Variants in PIEZO2 observed in about 807,000 individuals in gnomAD.
PIEZO2 encodes piezo-type mechanosensitive ion channel component 2.
In PIEZO2, 172 loss-of-function variants were observed where a neutral mutation model predicts 337.3. The observed-to-expected ratio is 0.51, with a 90% CI of 0.45 to 0.58. The LOEUF (loss-of-function observed/expected upper bound fraction) is 0.58, where lower values mean the gene tolerates loss of function less well. Among genes scored for constraint, PIEZO2 ranks in the 20% least tolerant of loss-of-function variants. The pLI, the probability that PIEZO2 is intolerant of heterozygous loss-of-function variation, is 0.00. For missense variants in PIEZO2, 3,028 were observed against 3,391.3 expected (o/e 0.89, Z 2.66); for synonymous variants, 1,251 against 1,228.5 (o/e 1.02, Z -0.38).
In PIEZO2 at chr18:11,148,590, G is replaced by T; in HGVS notation, c.-2C>A. 1 of 1,537,078 alleles carries T rather than the reference G, an allele frequency of 6.5e-7. No homozygotes were observed. Among genetic ancestry groups the T allele is most frequent in the Non-Finnish European group, 8.7e-7 (1 of 1,146,862 alleles). ...CCCGCACACCACTTCTGAGGCCATC[G>T]CGTCGGTCCGGCGAGTCGGAGCAGA... On this transcript the variant is annotated 5_prime_UTR_variant, in exon 1 of 56. Transcript: ENST00000674853. This position sits in a 1 kb window ranked among gnomAD's most constrained non-coding sequence, Gnocchi z 5.2.
Position 11,136,445 on chromosome 18 carries a change from A to T in PIEZO2, c.64+12080T>A, listed in dbSNP as rs570533375. 3.3e-5 allele frequency among the ~76,000 whole-genome samples: 5 copies of T among 152,288 alleles called. No homozygotes were observed. The South Asian group carries it at 1.0e-3, about 32-fold the overall frequency. On this transcript the variant is annotated intron_variant, in intron 1 of 55. Transcript: ENST00000674853. The stretch of plus-strand genomic sequence containing the variant: ...CTTTCATCTTCTCTTGTGACTGAGG[A>T]TGGATTGCCAGAGGCTGTGTGCTAT...
intron 1 of PIEZO2, among the ~76,000 whole-genome samples, chr18:11,073,042 T>G (rs1490666966): frequency 1.3e-5 from 2 of 152,254 alleles, no homozygotes; most frequent in East Asian, 3.8e-4. Flanking sequence ...TTTATATTAT[T>G]TGCAATCAAA....
chr18:10,851,144 T>C (rs542878763), intron 7 of PIEZO2, among the ~76,000 whole-genome samples: 1 of 143,872 alleles, frequency 7.0e-6, no homozygotes, highest in African/African-American at 2.7e-5. Flanking sequence ...TCTTTTCTTT[T>C]TTTCTTTTAT....
chr18:10,790,665 T>C (rs1406123748), intron 14 of PIEZO2, among the ~76,000 whole-genome samples: 1 of 152,124 alleles, frequency 6.6e-6, no homozygotes, highest in Non-Finnish European at 1.5e-5. Flanking sequence ...GCCTCAGTTT[T>C]TCTTTCATTG....
rs545481711 is a variant in PIEZO2, at chr18:10,712,095, A to G, written c.5423+2669T>C. Reference sequence around the variant, plus strand: ...TTTGAAAAAGGGTTGTTTGATCATGAATAGTTCCTACAGCGGGTAGATTTA... The same window carrying G: ...TTTGAAAAAGGGTTGTTTGATCATGGATAGTTCCTACAGCGGGTAGATTTA... On this transcript the variant is annotated intron_variant, in intron 39 of 55. Transcript: ENST00000674853. Among the ~76,000 whole-genome samples the G allele has an allele frequency of 9.2e-5, 14 of 152,378 alleles. No homozygotes were observed. The South Asian group carries it at 1.2e-3, about 14-fold the overall frequency.
At chr18:10,832,584 T>C (rs1052411392) in intron 7 of PIEZO2, among the ~76,000 whole-genome samples, 13 of 152,186 alleles carry the variant, frequency 8.5e-5, no homozygotes, top group African/African-American at 2.9e-4. Flanking sequence ...GGAGGGGTAC[T>C]TTGTCTACTT....
At position 10,672,201 on chromosome 18, in the gene PIEZO2, A is replaced by G. The variant is rs940722449; in HGVS notation, c.8346-422T>C. Among the ~76,000 whole-genome samples the G allele has an allele frequency of 5.3e-5, 8 of 152,308 alleles. No individual in the cohort carries two copies. The highest frequency in any genetic ancestry group is 1.4e-4 in the African/African-American group (6 of 41,552). ...TGTCTCTCAGATTAATTTTTATAAA[A>G]TTCTGGGTGAAAATCATTTCTTATG... is the stretch of plus-strand genomic sequence containing the variant. On this transcript the variant is annotated intron_variant, in intron 55 of 55. Coordinates refer to ENST00000674853, the MANE Select transcript of PIEZO2 (RefSeq NM_001378183.1). This position sits in a 1 kb window ranked among gnomAD's most constrained non-coding sequence, Gnocchi z 4.7.
intron 2 of PIEZO2, among the ~76,000 whole-genome samples, chr18:11,030,676 C>T (rs1389271977): frequency 6.6e-6 from 1 of 152,158 alleles, no homozygotes; most frequent in Non-Finnish European, 1.5e-5. Context: ...ACAAGGACCC[C>T]AGGCCTCCAT....
intron 49 of PIEZO2, among the ~76,000 whole-genome samples, chr18:10,687,467 G>A (rs1315597963): frequency 6.8e-6 from 1 of 147,770 alleles, no homozygotes; most frequent in Non-Finnish European, 1.5e-5. Context: ...ATGCTTAGTA[G>A]AGTTCTGGGC....
Position 10,780,362 on chromosome 18 carries a change from CA to C in PIEZO2, c.2496del (p.His832GlnfsTer10). 1.4e-6 allele frequency: 1 copy of C among 702,948 alleles called. No individual in the cohort carries two copies. Among genetic ancestry groups the C allele is most frequent in the Non-Finnish European group, 2.6e-6 (1 of 384,984 alleles). 43.5% of individuals were successfully genotyped at this position (702,948 alleles called of 1,614,324 possible). On this transcript the variant is annotated frameshift_variant, in exon 18 of 56. Coordinates refer to ENST00000674853, the MANE Select transcript of PIEZO2 (RefSeq NM_001378183.1). LOFTEE classifies it high-confidence loss of function. Reference protein sequence around the residue: ...PSKEDNTIYSHAKVNGRVYLI... With the variant: ...PSKEDNTIYSXAKVNGRVYLI... ...AGATATACGCGACCATTGACTTTGG[CA>C]TGGCTACGAGGTGGCAGACGGAAGC...
At chr18:10,936,020 C>A (rs115329953) in intron 3 of PIEZO2, among the ~76,000 whole-genome samples, 186 of 152,302 alleles carry the variant, frequency 1.2e-3, no homozygotes, top group African/African-American at 4.2e-3. Flanking sequence ...TACACAGGGT[C>A]ACAGGTTGGT....
chr18:10,720,382 T>A (rs2036225980), intron 36 of PIEZO2, among the ~76,000 whole-genome samples: 1 of 34,836 alleles, frequency 2.9e-5, no homozygotes, highest in South Asian at 1.4e-3. Flanking sequence ...TGTGTGTGTG[T>A]GTGTGTGTGT....
rs397858174 is a variant in PIEZO2, at chr18:10,781,027, TA to T, written c.2493-662del. On this transcript the variant is annotated intron_variant, in intron 17 of 55. Transcript: ENST00000674853. The surrounding 1 kb of genome is among the most constrained non-coding windows in gnomAD (Gnocchi z 4.1). Reference sequence around the variant, plus strand: ...TTAATTTTTGCTGCTACCCCAGAATTAAAAAAAAAAAGGATCCTACTCAGCG... The same window carrying T: ...TTAATTTTTGCTGCTACCCCAGAATTAAAAAAAAAAGGATCCTACTCAGCG... Among the ~76,000 whole-genome samples the T allele has an allele frequency of 8.4e-4, 122 of 145,108 alleles. No individual in the cohort carries two copies. Among genetic ancestry groups the T allele is most frequent in the Admixed American group, 9.7e-4 (14 of 14,456 alleles).
intron 3 of PIEZO2, among the ~76,000 whole-genome samples, chr18:10,964,368 C>T (rs1348989248): frequency 6.6e-6 from 1 of 152,098 alleles, no homozygotes; most frequent in Non-Finnish European, 1.5e-5. Context: ...TAACAAAAAT[C>T]TGTTCTTAAA....
chr18:10,897,567 C>A (rs746405250), intron 4 of PIEZO2, among the ~76,000 whole-genome samples: 34 of 152,212 alleles, frequency 2.2e-4, no homozygotes, highest in Non-Finnish European at 1.9e-4. Context: ...ATAAGACGTG[C>A]CTTTCACCTT....
intron 3 of PIEZO2, among the ~76,000 whole-genome samples, chr18:10,935,055 AG>A (rs2145213399): frequency 6.6e-6 from 1 of 152,298 alleles, no homozygotes; most frequent in African/African-American, 2.4e-5. Flanking sequence ...ACTATGCTAC[AG>A]GGTTGCTTCT....
chr18:10,842,978 G>A (rs2041242014), intron 7 of PIEZO2, among the ~76,000 whole-genome samples: 1 of 152,194 alleles, frequency 6.6e-6, no homozygotes, highest in Non-Finnish European at 1.5e-5. Context: ...TTATCCTTGA[G>A]TCATGGCTAC....
chr18:10,999,764 A>G (rs1299119446), intron 2 of PIEZO2, among the ~76,000 whole-genome samples: 2 of 152,210 alleles, frequency 1.3e-5, no homozygotes, highest in East Asian at 3.8e-4. Flanking sequence ...GCAAGTATTT[A>G]TATTTAAAGA....
chr18:10,906,023 C>A (rs893194577), intron 4 of PIEZO2, among the ~76,000 whole-genome samples: 1 of 152,058 alleles, frequency 6.6e-6, no homozygotes, highest in Non-Finnish European at 1.5e-5. Flanking sequence ...TTGGAAATTT[C>A]TTTATGACAT....
Sources: gnomAD v4.1 joint callset for allele counts (sites outside exome capture counted in the v4.1 genomes callset) on GRCh38, gnomAD v4.1.1 for gene constraint, Gnocchi (gnomAD v3.1) non-coding constraint, MANE v1.5 for transcripts, NCBI Gene and HGNC (gene_info 2026-07-23, HGNC 2026-07-21) for gene names.